Variants in CFH observed in about 807,000 individuals in gnomAD.
The protein encoded by CFH is complement factor H.
Under a neutral mutation model 147.3 loss-of-function variants are expected in CFH, and 53 were observed. That is an observed-to-expected ratio of 0.36 (90% CI 0.29 to 0.45). The LOEUF is 0.45. CFH is among the 20% of genes least tolerant of loss of function. CFH has a pLI of 1.00. For missense variants in CFH, 1,380 were observed against 1,498.0 expected (o/e 0.92, Z 1.30); for synonymous variants, 536 against 489.4 (o/e 1.10, Z -1.26).
intron 1 of CFH, among the ~76,000 whole-genome samples, chr1:196,668,349 CTT>C (rs895793485): frequency 1.3e-5 from 2 of 152,142 alleles, no homozygotes; most frequent in African/African-American, 4.8e-5. Context: ...TCTCTGCTGA[CTT>C]TTAATTTTCA....
intron 2 of CFH, among the ~76,000 whole-genome samples, chr1:196,673,565 T>C (rs943399755): frequency 1.3e-5 from 2 of 152,128 alleles, no homozygotes; most frequent in Non-Finnish European, 2.9e-5. Flanking sequence ...CTCGAACTCC[T>C]GGCCTCGTGA....
chr1:196,662,163 G>C (rs1666932446), intron 1 of CFH, among the ~76,000 whole-genome samples: 1 of 152,146 alleles, frequency 6.6e-6, no homozygotes, highest in South Asian at 2.1e-4. Flanking sequence ...GAGTGTATCT[G>C]GCAACATATT....
rs560476974 is a variant in CFH at position 196,743,643 on chromosome 1, T to A, written c.3310+15T>A. Reference sequence around the variant, plus strand: ...TCAATGCAAAGGTAGAGTATTATATTTCTTTTAACATTTTGGGGGAGTATA... The same window carrying A: ...TCAATGCAAAGGTAGAGTATTATATATCTTTTAACATTTTGGGGGAGTATA... On this transcript the variant is annotated intron_variant, in intron 20 of 21. Transcript: ENST00000367429. 3.7e-6 allele frequency: 6 copies of A among 1,613,844 alleles called. No individual in the cohort carries two copies. In the South Asian group the frequency reaches 6.6e-5, roughly 18 times the overall value.
intron 1 of CFH, among the ~76,000 whole-genome samples, chr1:196,671,304 C>G (rs1189861456): frequency 6.6e-6 from 1 of 151,984 alleles, no homozygotes; most frequent in African/African-American, 2.4e-5. Flanking sequence ...TTTATTTTCT[C>G]TTTTTGTTCA....
Position 196,725,297 on chromosome 1 carries a change from G to T in CFH, c.1873G>T (p.Glu625Ter), listed in dbSNP as rs150694809. Residue 625 changes from glutamate (E) to a stop codon, truncating the protein, a stop_gained and splice_region_variant, in exon 12 of 22, where the codon GAG becomes TAG. Coordinates refer to ENST00000367429, the MANE Select transcript of CFH (RefSeq NM_000186.4). LOFTEE classifies it high-confidence loss of function. ...GLSPDLPICKEQVQSCGPPPE... is the reference protein window; with the variant it reads ...GLSPDLPICK Reference sequence around the variant, plus strand: ...GTCTCCTGACCTCCCAATATGTAAAGGTGAATGCTTATCTTACAATTGCTG... The same window carrying T: ...GTCTCCTGACCTCCCAATATGTAAATGTGAATGCTTATCTTACAATTGCTG... The T allele has an allele frequency of 6.8e-6, 11 of 1,613,172 alleles. No individual in the cohort carries two copies. Among genetic ancestry groups the T allele is most frequent in the African/African-American group, 2.7e-5 (2 of 74,888 alleles).
chr1:196,723,748 G>A (rs1669058721), intron 11 of CFH, among the ~76,000 whole-genome samples: 1 of 151,994 alleles, frequency 6.6e-6, no homozygotes, highest in Non-Finnish European at 1.5e-5. Context: ...CCCTGACAGG[G>A]GTGTCAGGGG....
At chr1:196,740,117 C>T (rs886191077) in intron 17 of CFH, among the ~76,000 whole-genome samples, 2 of 152,202 alleles carry the variant, frequency 1.3e-5, no homozygotes, top group Admixed American at 1.3e-4. Flanking sequence ...ATTCAATTTT[C>T]TCCCACCAGG....
chr1:196,696,756 A>G (rs1251321892), intron 9 of CFH, among the ~76,000 whole-genome samples: 1 of 152,196 alleles, frequency 6.6e-6, no homozygotes, highest in Non-Finnish European at 1.5e-5. Context: ...TTCAAACTAT[A>G]CTACAAGCCC....
Position 196,707,426 on chromosome 1 carries a change from A to G in CFH, c.1337-6309A>G, listed in dbSNP as rs1573048138. Among the ~76,000 whole-genome samples the G allele has an allele frequency of 2.0e-5, 3 of 152,340 alleles. No individual in the cohort carries two copies. In the South Asian group the frequency reaches 6.2e-4, roughly 32 times the overall value. On this transcript the variant is annotated intron_variant, in intron 9 of 21. Coordinates refer to ENST00000367429, the MANE Select transcript of CFH (RefSeq NM_000186.4). ...CTACTATTCACGAGTTTGTGGTTCC[A>G]GCAGATTGTGGTATCCAACTGACAT...
At chr1:196,664,503 T>C (rs1667012488) in intron 1 of CFH, among the ~76,000 whole-genome samples, 1 of 152,224 alleles carries the variant, frequency 6.6e-6, no homozygotes, top group South Asian at 2.1e-4. Flanking sequence ...ACTCAGCTCT[T>C]CTATTGTAAC....
At chr1:196,723,025 T>G (rs1669038305) in intron 11 of CFH, among the ~76,000 whole-genome samples, 1 of 152,152 alleles carries the variant, frequency 6.6e-6, no homozygotes, top group Non-Finnish European at 1.5e-5. Context: ...TCTCTTGGAC[T>G]CCATTTAGCT....
chr1:196,688,785 T>G (rs897772739), intron 7 of CFH, among the ~76,000 whole-genome samples: 5 of 152,084 alleles, frequency 3.3e-5, no homozygotes, highest in African/African-American at 1.2e-4. Flanking sequence ...TAATTTTTTT[T>G]GTATTTTTAG....
At chr1:196,733,726 C>T (rs1490658802) in intron 15 of CFH, among the ~76,000 whole-genome samples, 1 of 152,002 alleles carries the variant, frequency 6.6e-6, no homozygotes, top group Non-Finnish European at 1.5e-5. Flanking sequence ...TTAGGGCACT[C>T]AAGTTTGTGT....
rs116909366 is a variant in CFH at position 196,731,753 on chromosome 1, T to G, written c.2413+3231T>G. On this transcript the variant is annotated intron_variant, in intron 15 of 21. Coordinates refer to ENST00000367429, the MANE Select transcript of CFH (RefSeq NM_000186.4). ...TCACTCCTTTGTTTTTAAGACAGAA[T>G]AGTGGAATCTAGAATTATTCCTTGG... Among the ~76,000 whole-genome samples the G allele has an allele frequency of 7.4e-4, 113 of 152,128 alleles. 2 individuals are homozygous for G. The East Asian group carries it at 0.021, about 28-fold the overall frequency.
intron 18 of CFH, 45 bp from the exon 19 acceptor site, chr1:196,741,829 TA>T (rs1558184900): frequency 6.4e-7 from 1 of 1,564,726 alleles, no homozygotes; most frequent in East Asian, 2.2e-5. Context: ...GTATGTAACC[TA>T]TTTTTAAAGA....
At chr1:196,714,769 T>C (rs760998737) in intron 10 of CFH, among the ~76,000 whole-genome samples, 1 of 144,542 alleles carries the variant, frequency 6.9e-6, no homozygotes, top group Non-Finnish European at 1.5e-5. Context: ...GGCATGATCT[T>C]GGCTCACTGC....
chr1:196,726,164 T>C (rs1669132031), intron 12 of CFH, among the ~76,000 whole-genome samples: 2 of 152,210 alleles, frequency 1.3e-5, no homozygotes, highest in Admixed American at 1.3e-4. Context: ...CAAAATGTTA[T>C]GATAAAATGT....
At chr1:196,654,120 CA>C (rs1480597951) in intron 1 of CFH, among the ~76,000 whole-genome samples, 1 of 151,972 alleles carries the variant, frequency 6.6e-6, no homozygotes, top group Non-Finnish European at 1.5e-5. Flanking sequence ...ACATATATTT[CA>C]ATATTTGCTT....
intron 9 of CFH, among the ~76,000 whole-genome samples, chr1:196,710,685 A>G (rs1050965835): frequency 1.3e-5 from 2 of 152,168 alleles, no homozygotes; most frequent in Non-Finnish European, 2.9e-5. Flanking sequence ...TCACAGATGA[A>G]TCTGGGGAGA....
Sources: allele counts gnomAD v4.1 joint callset (sites outside exome capture counted in the v4.1 genomes callset), GRCh38; gene constraint gnomAD v4.1.1; transcripts MANE v1.5; gene names NCBI Gene and HGNC (gene_info 2026-07-23, HGNC 2026-07-21).